EEA1: variants seen among roughly 807,000 people sequenced by gnomAD.
The protein encoded by EEA1 is early endosome antigen 1, 162kD.
Under a neutral mutation model 209.2 loss-of-function variants are expected in EEA1, and 111 were observed. The ratio of observed to expected loss-of-function variants is 0.53; its 90% confidence interval spans 0.45 to 0.62. The LOEUF (loss-of-function observed/expected upper bound fraction) is 0.62. EEA1 is among the 20% of genes least tolerant of loss of function. The probability of loss-of-function intolerance (pLI) is 0.00; values close to 1 mark genes in which losing one functional copy is unlikely to be tolerated. For synonymous variants in EEA1, 536 were observed against 540.6 expected (o/e 0.99, Z 0.12); for missense variants, 1,343 against 1,530.8 (o/e 0.88, Z 2.05).
chr12:92,816,471 G>T, intron 14 of EEA1, 71 bp from the exon 15 acceptor site: 1 of 1,401,428 alleles, frequency 7.1e-7, no homozygotes, highest in South Asian at 1.3e-5. Context: ...CTAAATTTAA[G>T]AACCATGAGA....
At position 92,809,000 on chromosome 12, in the gene EEA1, A is replaced by G; in HGVS notation, c.2339+17T>C. The G allele has an allele frequency of 1.3e-6, 2 of 1,565,750 alleles. No individual in the cohort carries two copies. The highest frequency in any genetic ancestry group is 1.7e-6 in the Non-Finnish European group (2 of 1,158,328). On this transcript the variant is annotated intron_variant, in intron 18 of 28. Transcript: ENST00000322349. ...CAATCTTTTCCCTTAATTTGTAAGT[A>G]AAGTGGTTTAGCTTACATTTCCTTC...
intron 21 of EEA1, among the ~76,000 whole-genome samples, chr12:92,797,611 G>A (rs1010406494): frequency 1.3e-5 from 2 of 151,992 alleles, no homozygotes; most frequent in Admixed American, 1.3e-4. Flanking sequence ...ACTAAGTTAC[G>A]ATGCTATAAA....
At chr12:92,797,128 C>T (rs1874688346) in intron 21 of EEA1, among the ~76,000 whole-genome samples, 1 of 152,166 alleles carries the variant, frequency 6.6e-6, no homozygotes, top group South Asian at 2.1e-4. Context: ...CACTCTGTTG[C>T]CCAAGCTGGA....
At chr12:92,835,448 G>A in intron 10 of EEA1, 1 of 206,294 alleles carries the variant, frequency 4.8e-6, no homozygotes, top group Non-Finnish European at 9.7e-6. Flanking sequence ...GTCTCGCTCT[G>A]TCGCCCAGGT....
Position 92,782,103 on chromosome 12 carries a change from C to T in EEA1, c.3183G>A (p.Glu1061=), listed in dbSNP as rs1412224778. ...SVEEKLSLAQ[E]DLISNRNQIG... is the part of the protein sequence containing the mutation. ...TTTGATTTCTGTTTGAAATCAAGTC[C>T]TCCTGTGCTAGAGAAAGCTTCTCTT... The change falls in exon 23 of 29, where the codon GAG becomes GAA. Residue 1061 remains glutamate, a synonymous_variant. Coordinates refer to ENST00000322349, the MANE Select transcript of EEA1 (RefSeq NM_003566.4). 6.2e-7 allele frequency: 1 copy of T among 1,612,120 alleles called. No homozygotes were observed. Among genetic ancestry groups the T allele is most frequent in the Non-Finnish European group, 8.5e-7 (1 of 1,178,968 alleles).
At chr12:92,849,740 T>C (rs1408006766) in intron 9 of EEA1, among the ~76,000 whole-genome samples, 1 of 152,206 alleles carries the variant, frequency 6.6e-6, no homozygotes, top group Non-Finnish European at 1.5e-5. Context: ...ATGGGTTATC[T>C]ATAATACTTA....
intron 2 of EEA1, among the ~76,000 whole-genome samples, chr12:92,891,420 T>C (rs769253424): frequency 2.0e-5 from 3 of 152,146 alleles, no homozygotes; most frequent in Non-Finnish European, 4.4e-5. Context: ...AAATTGGCAA[T>C]ATTATTTTTC....
At chr12:92,837,995 A>G (rs1184585824) in intron 10 of EEA1, among the ~76,000 whole-genome samples, 1 of 152,224 alleles carries the variant, frequency 6.6e-6, no homozygotes, top group Non-Finnish European at 1.5e-5. Flanking sequence ...GGCAGATGCA[A>G]CTGTGGGCTT....
At chr12:92,859,281 T>G in intron 3 of EEA1, 7 of 1,571,576 alleles carry the variant, frequency 4.5e-6, no homozygotes, top group Non-Finnish European at 5.2e-6. Flanking sequence ...ATTGAAAGTT[T>G]TCATCTTTTT....
intron 1 of EEA1, 31 bp downstream of exon 1, chr12:92,929,012 T>C (rs1275317769): frequency 5.7e-6 from 9 of 1,581,234 alleles, no homozygotes; most frequent in Non-Finnish European, 7.7e-6. Flanking sequence ...CCCGCTCACG[T>C]GCTGCCAGAA....
Position 92,851,127 on chromosome 12 carries a change from T to C in EEA1, c.782A>G (p.Gln261Arg), listed in dbSNP as rs763576559. 4 of 1,613,700 alleles carry C rather than the reference T, an allele frequency of 2.5e-6. No homozygotes were observed. Among genetic ancestry groups the C allele is most frequent in the African/African-American group, 2.7e-5 (2 of 74,910 alleles). The change falls in exon 9 of 29, where the codon CAA becomes CGA. Residue 261 changes from glutamine (Q) to arginine (R), a missense_variant. Gln to Arg is a conservative substitution (Grantham distance 43). Coordinates refer to ENST00000322349, the MANE Select transcript of EEA1 (RefSeq NM_003566.4). ...CTTCATTACCTCTGAGCTAGCATAT[T>C]GTGACTGCAATTTTTTGCATTCATC... Reference protein sequence around the residue: ...LKDECKKLQSQYASSEATISQ... With the variant: ...LKDECKKLQSRYASSEATISQ...
intron 2 of EEA1, among the ~76,000 whole-genome samples, chr12:92,866,047 CCGGGTGTGGTGG>C (rs1878377741): frequency 6.6e-6 from 1 of 151,686 alleles, no homozygotes; most frequent in African/African-American, 2.4e-5. Flanking sequence ...CCATGCCCAG[CCGGGTGTGGTGG>C]CACACACGTG....
intron 21 of EEA1, among the ~76,000 whole-genome samples, chr12:92,788,400 G>A (rs1874234561): frequency 6.6e-6 from 1 of 151,926 alleles, no homozygotes; most frequent in South Asian, 2.1e-4. Context: ...GTGGAACTAA[G>A]GGAAACTTGT....
Position 92,771,126 on chromosome 12 carries a change from T to G in EEA1, c.*4885A>C, listed in dbSNP as rs995812123. 1 of 152,074 alleles carries G rather than the reference T, an allele frequency of 6.6e-6. No homozygotes were observed. Among genetic ancestry groups the G allele is most frequent in the African/African-American group, 2.4e-5 (1 of 41,426 alleles). 9.4% of individuals were successfully genotyped at this position (152,074 alleles called of 1,614,324 possible). A position where few individuals can be genotyped will look rare whatever the true frequency, so the allele number is the denominator to read the frequency against. On this transcript the variant is annotated 3_prime_UTR_variant, in exon 29 of 29. Transcript: ENST00000322349. ...ATAATTATTATCATGGCAGGATATA[T>G]ACTATTAACTACATTCAAGGAACTA...
Position 92,787,854 on chromosome 12 carries a change from T to C in EEA1, c.3150+13A>G, listed in dbSNP as rs1428191415. 1 of 1,580,062 alleles carries C rather than the reference T, an allele frequency of 6.3e-7. No homozygotes were observed. The highest frequency in any genetic ancestry group is 1.4e-5 in the African/African-American group (1 of 73,244). On this transcript the variant is annotated intron_variant, in intron 22 of 28. Coordinates refer to ENST00000322349, the MANE Select transcript of EEA1 (RefSeq NM_003566.4). ...CTTACTGAGACTTTATGGTACAGTATAGTTTACTATACCTTAAGATCTTGC... is the reference window on the plus strand; with the variant it reads ...CTTACTGAGACTTTATGGTACAGTACAGTTTACTATACCTTAAGATCTTGC...
chr12:92,860,032 CT>C (rs1209242594), intron 3 of EEA1, among the ~76,000 whole-genome samples: 1 of 152,218 alleles, frequency 6.6e-6, no homozygotes, highest in Non-Finnish European at 1.5e-5. Flanking sequence ...TAATTGCCAC[CT>C]CTTTAACAGC....
At chr12:92,825,378 C>CA (rs1464670378) in intron 13 of EEA1, among the ~76,000 whole-genome samples, 5 of 151,582 alleles carry the variant, frequency 3.3e-5, no homozygotes, top group African/African-American at 1.2e-4. Context: ...GGTGTGAACC[C>CA]AGGAGGCGGA....
chr12:92,806,007 G>C (rs1440569121), intron 18 of EEA1, among the ~76,000 whole-genome samples: 1 of 151,962 alleles, frequency 6.6e-6, no homozygotes, highest in African/African-American at 2.4e-5. Flanking sequence ...TTAGAATAAG[G>C]CTACATACTA....
In EEA1 at chr12:92,907,244, A is replaced by C. The variant is rs934786172; in HGVS notation, c.25-15523T>G. Among the ~76,000 whole-genome samples, 5 of 152,184 alleles carry C rather than the reference A, an allele frequency of 3.3e-5. No individual in the cohort carries two copies. The South Asian group carries it at 1.0e-3, about 31-fold the overall frequency. ...CATTGCTGAAAATAATAAAACACTA[A>C]CTTTAATCCAGACCTTTGCTGAGTT... On this transcript the variant is annotated intron_variant, in intron 1 of 28. Transcript: ENST00000322349.
Sources: allele counts gnomAD v4.1 joint callset (sites outside exome capture counted in the v4.1 genomes callset), GRCh38; gene constraint gnomAD v4.1.1; transcripts MANE v1.5; gene names NCBI Gene and HGNC (gene_info 2026-07-23, HGNC 2026-07-21).